Variants in CPA6 observed in about 807,000 individuals in gnomAD.
The protein encoded by CPA6 is carboxypeptidase A6.
Under a neutral mutation model 63.3 loss-of-function variants are expected in CPA6, and 58 were observed. The observed-to-expected ratio is 0.92, with a 90% CI of 0.74 to 1.14. The LOEUF (loss-of-function observed/expected upper bound fraction) is 1.14. Among genes scored for constraint, CPA6 ranks in the 50% most tolerant of loss-of-function variants. The probability of loss-of-function intolerance (pLI) is 0.00; values close to 1 mark genes in which losing one functional copy is unlikely to be tolerated. For missense variants in CPA6, 565 were observed against 526.6 expected (o/e 1.07, Z -0.71); for synonymous variants, 185 against 179.0 (o/e 1.03, Z -0.27).
chr8:67,461,334 C>T (rs1810798318), intron 8 of CPA6, among the ~76,000 whole-genome samples: 1 of 146,124 alleles, frequency 6.8e-6, no homozygotes, highest in Non-Finnish European at 1.5e-5. Context: ...TCCATTTAAC[C>T]CTGAGTGGAT....
chr8:67,585,444 C>T (rs570937744), intron 2 of CPA6, among the ~76,000 whole-genome samples: 6 of 152,132 alleles, frequency 3.9e-5, no homozygotes, highest in East Asian at 1.9e-4. Flanking sequence ...TTAAGACCAA[C>T]GGATGACTCT....
rs867445049 is a variant in CPA6 at position 67,447,516 on chromosome 8, C to T, written c.839-13276G>A. ...GGAGATATGTGTGTATACACACACA[C>T]ACACACACACACACACACACACACA... On this transcript the variant is annotated intron_variant, in intron 8 of 10. Coordinates refer to ENST00000297770, the MANE Select transcript of CPA6 (RefSeq NM_020361.5). Among the ~76,000 whole-genome samples the T allele has an allele frequency of 2.9e-3, 412 of 144,156 alleles. 7 individuals carry two copies. Among genetic ancestry groups the T allele is most frequent in the African/African-American group, 0.011 (379 of 35,198 alleles). The allele number at this position is 144,156 out of a possible 152,430, so 94.6% of individuals were successfully genotyped here.
chr8:67,443,052 C>T (rs1810330075), intron 8 of CPA6, among the ~76,000 whole-genome samples: 1 of 149,364 alleles, frequency 6.7e-6, no homozygotes, highest in Non-Finnish European at 1.5e-5. Flanking sequence ...GGCAAAAAAG[C>T]TGTCCTAGCC....
Position 67,698,164 on chromosome 8 carries a change from G to A in CPA6, c.116+47850C>T, listed in dbSNP as rs1816946686. 2.6e-5 allele frequency among the ~76,000 whole-genome samples: 4 copies of A among 152,248 alleles called. No homozygotes were observed. The South Asian group carries it at 6.2e-4, about 24-fold the overall frequency. On this transcript the variant is annotated intron_variant, in intron 1 of 10. Coordinates refer to ENST00000297770, the MANE Select transcript of CPA6 (RefSeq NM_020361.5). Reference sequence around the variant, plus strand: ...TTATTTGGCTAGGTAATAATGAAGAGCCTTTGACTAGATAGTAATGAAGAG... The same window carrying A: ...TTATTTGGCTAGGTAATAATGAAGAACCTTTGACTAGATAGTAATGAAGAG...
At chr8:67,677,050 C>T (rs1260111044) in intron 1 of CPA6, among the ~76,000 whole-genome samples, 5 of 152,194 alleles carry the variant, frequency 3.3e-5, no homozygotes, top group Admixed American at 1.3e-4. Flanking sequence ...TGCTGCACAA[C>T]GCCAGGGACA....
intron 8 of CPA6, among the ~76,000 whole-genome samples, chr8:67,475,563 C>A (rs1177724487): frequency 6.6e-6 from 1 of 152,194 alleles, no homozygotes; most frequent in Non-Finnish European, 1.5e-5. Context: ...GTTTGCTGGT[C>A]TCTGACCTGG....
At chr8:67,536,030 T>C (rs1049605565) in intron 2 of CPA6, among the ~76,000 whole-genome samples, 1 of 152,214 alleles carries the variant, frequency 6.6e-6, no homozygotes, top group Non-Finnish European at 1.5e-5. Context: ...TGTGGTGTTA[T>C]TTCTGAGGCC....
intron 2 of CPA6, among the ~76,000 whole-genome samples, chr8:67,622,241 A>G (rs1815099119): frequency 6.6e-6 from 1 of 152,226 alleles, no homozygotes; most frequent in African/African-American, 2.4e-5. Context: ...GTGGTATATG[A>G]AAACACAATT....
In CPA6 at chr8:67,693,356, C is replaced by G. The variant is rs144559388; in HGVS notation, c.116+52658G>C. ...AAACTACCAGGAAGAACAGGGCACT[C>G]ACAGGATGTGGAACATACTCGGGTT... On this transcript the variant is annotated intron_variant, in intron 1 of 10. Coordinates refer to ENST00000297770, the MANE Select transcript of CPA6 (RefSeq NM_020361.5). Among the ~76,000 whole-genome samples the G allele has an allele frequency of 3.3e-5, 5 of 152,322 alleles. No individual in the cohort carries two copies. The East Asian group carries it at 9.6e-4, about 29-fold the overall frequency.
chr8:67,676,542 A>G (rs1175791299), intron 1 of CPA6, among the ~76,000 whole-genome samples: 2 of 152,254 alleles, frequency 1.3e-5, no homozygotes, highest in Admixed American at 1.3e-4. Flanking sequence ...GGGTTACTGC[A>G]TTGCCATTTA....
At chr8:67,446,279 A>AT (rs1810413824) in intron 8 of CPA6, among the ~76,000 whole-genome samples, 1 of 151,488 alleles carries the variant, frequency 6.6e-6, no homozygotes, top group South Asian at 2.1e-4. Context: ...AAAAAAAAAA[A>AT]GTAGTCATTT....
At chr8:67,431,658 T>G (rs1233872426) in intron 9 of CPA6, among the ~76,000 whole-genome samples, 1 of 152,080 alleles carries the variant, frequency 6.6e-6, no homozygotes, top group East Asian at 1.9e-4. Context: ...ATTGTTAGGG[T>G]GCCGGGTCAA....
intron 1 of CPA6, among the ~76,000 whole-genome samples, chr8:67,728,302 A>C (rs1377977974): frequency 6.6e-6 from 1 of 152,106 alleles, no homozygotes; most frequent in African/African-American, 2.4e-5. Flanking sequence ...GGAATTGGGT[A>C]ATCTTTCTCC....
intron 2 of CPA6, among the ~76,000 whole-genome samples, chr8:67,527,603 A>G (rs1035297264): frequency 6.6e-6 from 1 of 152,164 alleles, no homozygotes; most frequent in Non-Finnish European, 1.5e-5. Flanking sequence ...TTTGAGTGTA[A>G]AAGTTTACAT....
At chr8:67,608,250 G>A (rs752038116) in intron 2 of CPA6, among the ~76,000 whole-genome samples, 1 of 152,178 alleles carries the variant, frequency 6.6e-6, no homozygotes, top group Non-Finnish European at 1.5e-5. Context: ...CTGTTTTCAT[G>A]CCGAAATATT....
intron 2 of CPA6, among the ~76,000 whole-genome samples, chr8:67,578,516 G>T (rs183268091): frequency 2.6e-5 from 4 of 152,234 alleles, no homozygotes; most frequent in East Asian, 1.9e-4. Flanking sequence ...ACCCAATTTG[G>T]CACGAGATCC....
chr8:67,618,346 A>G (rs1348312217), intron 2 of CPA6, among the ~76,000 whole-genome samples: 1 of 152,220 alleles, frequency 6.6e-6, no homozygotes, highest in Non-Finnish European at 1.5e-5. Flanking sequence ...AACTCCCACA[A>G]TCACAGGTGT....
At chr8:67,443,617 C>T (rs1810344687) in intron 8 of CPA6, among the ~76,000 whole-genome samples, 1 of 152,160 alleles carries the variant, frequency 6.6e-6, no homozygotes, top group African/African-American at 2.4e-5. Context: ...ACATTCATTT[C>T]CAGAAAGAAA....
At chr8:67,523,325 G>C (rs1012085895) in intron 2 of CPA6, among the ~76,000 whole-genome samples, 5 of 152,128 alleles carry the variant, frequency 3.3e-5, no homozygotes, top group African/African-American at 1.2e-4. Flanking sequence ...TCAGGAGATT[G>C]AGACCATCCT....
Sources: gnomAD v4.1 joint callset for allele counts (sites outside exome capture counted in the v4.1 genomes callset) on GRCh38, gnomAD v4.1.1 for gene constraint, MANE v1.5 for transcripts, NCBI Gene and HGNC (gene_info 2026-07-23, HGNC 2026-07-21) for gene names.